Variants in C16orf46 observed in about 807,000 individuals in gnomAD.
C16orf46 encodes the protein chromosome 16 open reading frame 46.
Under a neutral mutation model 5.5 loss-of-function variants are expected in C16orf46, and 7 were observed. That is an observed-to-expected ratio of 1.28 (90% confidence interval 0.73 to 2.40). The LOEUF (loss-of-function observed/expected upper bound fraction) is 2.40. C16orf46 is among the 30% of genes most tolerant of loss of function. The pLI, the probability that C16orf46 is intolerant of heterozygous loss-of-function variation, is 0.00. For missense variants in C16orf46, 614 were observed against 476.0 expected, an observed-to-expected ratio of 1.29 and a Z score of -2.70; for synonymous variants, 200 against 184.1, an observed-to-expected ratio of 1.09 and a Z score of -0.70.
At chr16:81,060,442 G>T (rs939493140), downstream of C16orf46, 1 of 152,750 alleles carries the variant, frequency 6.5e-6, no homozygotes, top group African/African-American at 2.4e-5. Flanking sequence ...CTGAGTAGCC[G>T]GGATTACAGG....
downstream of C16orf46, among the ~76,000 whole-genome samples, chr16:81,058,484 T>A (rs893144937): frequency 6.6e-6 from 1 of 152,082 alleles, no homozygotes; most frequent in Non-Finnish European, 1.5e-5. Context: ...CAAAACCAGA[T>A]GAGGAAAAAG....
chr16:81,054,281 CA>C (rs997311393), intron 3 of C16orf46, among the ~76,000 whole-genome samples: 793 of 73,518 alleles, frequency 0.011, 16 homozygotes, highest in South Asian at 0.019. Context: ...ACAACAACAA[CA>C]AAAAAAAACA....
intron 3 of C16orf46, among the ~76,000 whole-genome samples, chr16:81,062,391 T>C (rs75081512): frequency 1.3e-5 from 2 of 152,234 alleles, no homozygotes; most frequent in East Asian, 3.8e-4. Flanking sequence ...ACAGTATTTG[T>C]AATAGTATTT....
intron 1 of C16orf46, among the ~76,000 whole-genome samples, chr16:81,066,924 G>C (rs1184512746): frequency 6.6e-6 from 1 of 152,234 alleles, no homozygotes; most frequent in Non-Finnish European, 1.5e-5. Context: ...ATTGGATTTA[G>C]AGTATAAAGC....
At chr16:81,058,230 T>C (rs1035118508), downstream of C16orf46, among the ~76,000 whole-genome samples, 2 of 152,186 alleles carry the variant, frequency 1.3e-5, no homozygotes, top group Non-Finnish European at 2.9e-5. Context: ...TACTAAAAAA[T>C]ATACATCCTG....
At chr16:81,071,636 C>CT (rs1368005543) in intron 1 of C16orf46, among the ~76,000 whole-genome samples, 2 of 151,984 alleles carry the variant, frequency 1.3e-5, no homozygotes, top group Non-Finnish European at 2.9e-5. Context: ...GTCAGAGCTA[C>CT]TAGGGAGGCT....
At chr16:81,067,159 T>A (rs568574719) in intron 1 of C16orf46, among the ~76,000 whole-genome samples, 1 of 152,298 alleles carries the variant, frequency 6.6e-6, no homozygotes, top group South Asian at 2.1e-4. Flanking sequence ...ATATAGCCTA[T>A]GGAAATTTAC....
downstream of C16orf46, among the ~76,000 whole-genome samples, chr16:81,057,530 C>T (rs1971334069): frequency 2.0e-5 from 2 of 97,992 alleles, no homozygotes; most frequent in Non-Finnish European, 4.1e-5. Flanking sequence ...CAGAGGAAGA[C>T]TCTGTCTCAA....
downstream of C16orf46, among the ~76,000 whole-genome samples, chr16:81,059,859 G>A (rs913182732): frequency 3.3e-5 from 5 of 150,754 alleles, no homozygotes; most frequent in African/African-American, 1.2e-4. Flanking sequence ...CACGATCTCC[G>A]CTCACTGCAA....
rs141328259 is a variant in C16orf46 at position 81,054,518 on chromosome 16, G to A, written c.1144-424C>T. ...ATTTTTCTGCACCTTTTTTGGTAAC[G>A]TGATATATATATATGTATATACATG... On this transcript the variant is annotated intron_variant, in intron 3 of 3. Coordinates refer to the C16orf46 transcript ENST00000378611. 4.1e-3 allele frequency among the ~76,000 whole-genome samples: 618 copies of A among 149,642 alleles called. 8 individuals carry two copies. Among genetic ancestry groups the A allele is most frequent in the African/African-American group, 0.015 (577 of 39,418 alleles).
chr16:81,060,909 G>T, downstream of C16orf46: 2 of 1,141,470 alleles, frequency 1.8e-6, no homozygotes, highest in Non-Finnish European at 2.2e-6. Flanking sequence ...GGCATTTTGT[G>T]AATGGCTAAG....
chr16:81,062,582 G>A (rs1188794185), intron 3 of C16orf46, among the ~76,000 whole-genome samples: 3 of 152,120 alleles, frequency 2.0e-5, no homozygotes, highest in East Asian at 1.9e-4. Flanking sequence ...TTCGGGCACC[G>A]CCAGTCTCTG....
chr16:81,064,945 G>A (rs987835792), intron 2 of C16orf46, among the ~76,000 whole-genome samples: 2 of 152,096 alleles, frequency 1.3e-5, no homozygotes, highest in African/African-American at 2.4e-5. Context: ...TCAGTCTGTC[G>A]TACATTGTCA....
At position 81,061,424 on chromosome 16, in the gene C16orf46, G is replaced by C. The variant is rs763450505; in HGVS notation, c.925C>G (p.Leu309Val). 3 of 1,614,090 alleles carry C rather than the reference G, an allele frequency of 1.9e-6. No homozygotes were observed. The highest frequency in any genetic ancestry group is 2.5e-6 in the Non-Finnish European group (3 of 1,180,052). The change falls in exon 4 of 4, where the codon CTG becomes GTG. Residue 309 changes from leucine (L) to valine (V), a missense_variant. Transcript: ENST00000299578. ...TTGCTGGGGTCTGGAGGGCACGCCA[G>C]GTTTTTCTCAGACAGGAGGGACCAA... ...LHWSLLSEKN[L>V]ACPPDPSNVR... is the part of the protein sequence containing the mutation.
At chr16:81,073,258 T>C (rs1369150250) in intron 1 of C16orf46, among the ~76,000 whole-genome samples, 1 of 152,190 alleles carries the variant, frequency 6.6e-6, no homozygotes, top group Non-Finnish European at 1.5e-5. Context: ...AAGTGCCTAT[T>C]AGAGATTGAA....
In C16orf46 at chr16:81,061,205, C is replaced by T; in HGVS notation, c.1144G>A (p.Val382Met). The change falls in exon 4 of 4, where the codon GTG (valine) becomes ATG (methionine). Residue 382 changes from valine (V) to methionine (M), a missense_variant. Transcript: ENST00000299578. ...FPRPVLPSLT[V>M]SRVIIPVSTH... ...GAGACAGGAATGATAACTCTGCTCA[C>T]TGTGAGAGACGGCAAGACAGGTCTT... 1 of 1,613,884 alleles carries T rather than the reference C, an allele frequency of 6.2e-7. No individual in the cohort carries two copies. The highest frequency in any genetic ancestry group is 8.5e-7 in the Non-Finnish European group (1 of 1,179,848).
At chr16:81,066,686 T>C (rs1385062962) in intron 1 of C16orf46, among the ~76,000 whole-genome samples, 3 of 152,248 alleles carry the variant, frequency 2.0e-5, no homozygotes, top group Non-Finnish European at 4.4e-5. Context: ...TCATATAATA[T>C]TTTCTGGTAG....
chr16:81,065,335 G>A (rs1323718325), intron 2 of C16orf46, among the ~76,000 whole-genome samples: 2 of 152,088 alleles, frequency 1.3e-5, no homozygotes, highest in Non-Finnish European at 2.9e-5. Context: ...TTAGCCAGGT[G>A]TGGTGGTGCA....
intron 1 of C16orf46, among the ~76,000 whole-genome samples, chr16:81,074,891 T>A (rs4889225): frequency 6.6e-6 from 1 of 152,044 alleles, no homozygotes; most frequent in Non-Finnish European, 1.5e-5. Flanking sequence ...CTTTTGTTTT[T>A]GGACCATTAT....
Sources: gnomAD v4.1 joint callset for allele counts (sites outside exome capture counted in the v4.1 genomes callset) on GRCh38, gnomAD v4.1.1 for gene constraint, MANE v1.5 for transcripts, NCBI Gene and HGNC (gene_info 2026-07-23, HGNC 2026-07-21) for gene names.